The following VPS50 variants were observed in gnomAD, a reference collection of about 807,000 sequenced individuals.
The protein encoded by VPS50 is VPS50 subunit of EARP/GARPII complex.
A neutral mutation model predicts 139.7 loss-of-function variants in VPS50; 70 were observed. The ratio of observed to expected loss-of-function variants is 0.50; its 90% confidence interval spans 0.41 to 0.61. VPS50 has a LOEUF of 0.61. VPS50 is among the 20% of genes least tolerant of loss of function. VPS50 has a pLI of 0.00. For missense variants in VPS50, 921 were observed against 1,133.7 expected, an observed-to-expected ratio of 0.81 and a Z score of 2.69; for synonymous variants, 365 against 376.7, an observed-to-expected ratio of 0.97 and a Z score of 0.36.
chr7:93,266,891 G>T (rs1435383921), intron 9 of VPS50, among the ~76,000 whole-genome samples: 2 of 152,152 alleles, frequency 1.3e-5, no homozygotes, highest in Non-Finnish European at 2.9e-5. Flanking sequence ...TCAAATTGCA[G>T]TTGTACATTT....
At chr7:93,345,392 C>A (rs1356900898) in intron 23 of VPS50, among the ~76,000 whole-genome samples, 1 of 152,110 alleles carries the variant, frequency 6.6e-6, no homozygotes, top group East Asian at 1.9e-4. Flanking sequence ...CCAAATTCTA[C>A]CAGAGGTACA....
chr7:93,253,679 A>G (rs995209095), intron 3 of VPS50, among the ~76,000 whole-genome samples, 181 bp from the exon 4 acceptor site: 1 of 152,164 alleles, frequency 6.6e-6, no homozygotes, highest in Non-Finnish European at 1.5e-5. Context: ...CTAAAGATGT[A>G]TAGGCTTTTG....
At chr7:93,323,436 A>G (rs1797676170) in intron 20 of VPS50, 175 bp from the exon 21 acceptor site, 1 of 227,876 alleles carries the variant, frequency 4.4e-6, no homozygotes, top group African/African-American at 2.3e-5. Context: ...GTCCCATGCA[A>G]TAGCCATTAG....
Position 93,281,159 on chromosome 7 carries a change from G to A in VPS50, c.942+4854G>A, listed in dbSNP as rs367857233. On this transcript the variant is annotated intron_variant, in intron 12 of 27. Transcript: ENST00000305866. ...CTTCTCTGAGCCATGTACTTTTACA[G>A]GTGCTTTATATTAGTACATCATAGA... Among the ~76,000 whole-genome samples, 60 of 152,160 alleles carry A rather than the reference G, an allele frequency of 3.9e-4. 1 individual carries two copies. In the East Asian group the frequency reaches 4.8e-3, roughly 12 times the overall value.
At chr7:93,316,530 G>A (rs1010276326) in intron 20 of VPS50, among the ~76,000 whole-genome samples, 1 of 152,180 alleles carries the variant, frequency 6.6e-6, no homozygotes, top group Non-Finnish European at 1.5e-5. Flanking sequence ...GAAGAAGATG[G>A]ATTAGAGAGA....
At chr7:93,323,851 C>G in intron 21 of VPS50, 119 bp downstream of exon 21, 1 of 432,392 alleles carries the variant, frequency 2.3e-6, no homozygotes. Flanking sequence ...GATTATGCAT[C>G]AAAAACAAAA....
At chr7:93,267,886 T>C (rs1795888989) in intron 9 of VPS50, among the ~76,000 whole-genome samples, 1 of 152,204 alleles carries the variant, frequency 6.6e-6, no homozygotes, top group Non-Finnish European at 1.5e-5. Context: ...ATTTTTTTCA[T>C]GTCAGATTGT....
intron 16 of VPS50, among the ~76,000 whole-genome samples, chr7:93,301,200 G>A (rs1034431278): frequency 1.1e-4 from 16 of 151,940 alleles, no homozygotes; most frequent in African/African-American, 3.9e-4. Context: ...AGGAGGCCGA[G>A]GCAGGAGAAT....
chr7:93,277,545 G>T (rs1409706935), intron 12 of VPS50, among the ~76,000 whole-genome samples: 1 of 152,134 alleles, frequency 6.6e-6, no homozygotes, highest in Non-Finnish European at 1.5e-5. Context: ...TGTCTGTTGG[G>T]TACTACAGAA....
rs1479099326 is a variant in VPS50, at chr7:93,253,735, G to A, written c.226-125G>A. 1.8e-5 allele frequency: 10 copies of A among 550,832 alleles called. No individual in the cohort carries two copies. The South Asian group carries it at 2.3e-4, about 13-fold the overall frequency. The allele number at this position is 550,832 out of a possible 1,614,324, so 34.1% of individuals were successfully genotyped here. A position where few individuals can be genotyped will look rare whatever the true frequency, so the allele number is the denominator to read the frequency against. ...GGTTGGGAGGACAGGTGGCATGGAG[G>A]GCAGTGGGATGTGACACTGTTTTGT... On this transcript the variant is annotated intron_variant, in intron 3 of 27. Coordinates refer to ENST00000305866, the MANE Select transcript of VPS50 (RefSeq NM_017667.4).
rs1010308587 is a variant in VPS50, at chr7:93,308,836, G to C, written c.1642G>C (p.Glu548Gln). ...GTGTTTTCTTCAGTATGAATCTGAT[G>C]AACAAGAAAAGAGTGCCTATCAAGA... is the stretch of plus-strand genomic sequence containing the variant. ...VLASNGYESD[E>Q]QEKSAYQEYD... Residue 548 changes from glutamate (E) to glutamine (Q), a missense_variant, in exon 19 of 28, where the codon GAA becomes CAA. Around this residue, in one of 3 missense-constraint regions of VPS50, gnomAD observed 744 missense variants for 930.6 expected, o/e 0.80. Coordinates refer to ENST00000305866, the MANE Select transcript of VPS50 (RefSeq NM_017667.4). 1 of 1,592,568 alleles carries C rather than the reference G, an allele frequency of 6.3e-7. No individual in the cohort carries two copies. The highest frequency in any genetic ancestry group is 8.6e-7 in the Non-Finnish European group (1 of 1,161,962).
chr7:93,287,755 GA>G (rs1470843513), intron 12 of VPS50, among the ~76,000 whole-genome samples: 1 of 152,098 alleles, frequency 6.6e-6, no homozygotes, highest in African/African-American at 2.4e-5. Flanking sequence ...TATGATTGCT[GA>G]GTTGCAGCCC....
Position 93,311,279 on chromosome 7 carries a change from A to G in VPS50, c.1855+7A>G. On this transcript the variant is annotated splice_region_variant and intron_variant, in intron 20 of 27. Coordinates refer to ENST00000305866, the MANE Select transcript of VPS50 (RefSeq NM_017667.4). ...AACGTCATAAGACTTGTTGGTAAGT[A>G]GCTACACCTTTAAAAAAAATTATAA... 1.0e-6 allele frequency: 1 copy of G among 975,208 alleles called. No homozygotes were observed. The highest frequency in any genetic ancestry group is 1.6e-5 in the African/African-American group (1 of 62,036). The allele number at this position is 975,208 out of a possible 1,614,324, so 60.4% of individuals were successfully genotyped here.
intron 8 of VPS50, chr7:93,259,336 G>T (rs1046304756): frequency 1.0e-5 from 4 of 382,186 alleles, no homozygotes; most frequent in South Asian, 1.4e-4. Context: ...TGAAGGAATA[G>T]AATATTTTAA....
At chr7:93,238,186 C>G (rs900977210) in intron 1 of VPS50, among the ~76,000 whole-genome samples, 1 of 152,136 alleles carries the variant, frequency 6.6e-6, no homozygotes, top group Non-Finnish European at 1.5e-5. Context: ...TGATGCTATT[C>G]CCTCATGACT....
chr7:93,311,134 C>T, intron 19 of VPS50, 32 bp from the exon 20 acceptor site: 1 of 883,962 alleles, frequency 1.1e-6, no homozygotes, highest in South Asian at 1.3e-5. Flanking sequence ...CTTGACAACT[C>T]TAGCAACTCT....
At chr7:93,321,021 G>C (rs988124366) in intron 20 of VPS50, 33 of 152,180 alleles carry the variant, frequency 2.2e-4, no homozygotes, top group African/African-American at 7.7e-4. Flanking sequence ...GCTGCTGGCT[G>C]CTTGTTTTTG....
At chr7:93,350,320 CAAG>C (rs1453248397) in intron 25 of VPS50, among the ~76,000 whole-genome samples, 2 of 152,148 alleles carry the variant, frequency 1.3e-5, no homozygotes, top group African/African-American at 4.8e-5. Flanking sequence ...ACTATAATGA[CAAG>C]AAGATATTTC....
chr7:93,239,899 C>T lies in VPS50; in HGVS notation c.67C>T (p.Leu23Phe). The change falls in exon 2 of 28, where the codon CTT (leucine) becomes TTT (phenylalanine). Residue 23 changes from leucine (L) to phenylalanine (F), a missense_variant. By Grantham distance (22) the Leu-to-Phe change is conservative. This residue lies in a region of VPS50 where 744 missense variants were observed against 930.6 expected (regional missense o/e 0.80). Coordinates refer to ENST00000305866, the MANE Select transcript of VPS50 (RefSeq NM_017667.4). ...LKSPQESLSDLGAIESLRVPG... is the reference protein window; with the variant it reads ...LKSPQESLSDFGAIESLRVPG... ...AAGCCCTCAAGAAAGCCTCAGTGATCTTGGTGCCATAGAGAGTCTCCGGGT... is the reference window on the plus strand; with the variant it reads ...AAGCCCTCAAGAAAGCCTCAGTGATTTTGGTGCCATAGAGAGTCTCCGGGT... 2 of 1,607,274 alleles carry T rather than the reference C, an allele frequency of 1.2e-6. No homozygotes were observed. The highest frequency in any genetic ancestry group is 1.1e-5 in the South Asian group (1 of 90,948).
Sources: gnomAD v4.1 joint callset for allele counts (sites outside exome capture counted in the v4.1 genomes callset) on GRCh38, gnomAD v4.1.1 for gene constraint, gnomAD v4.1.1 regional missense constraint, MANE v1.5 for transcripts, NCBI Gene and HGNC (gene_info 2026-07-23, HGNC 2026-07-21) for gene names.